The following STK10 variants were observed in gnomAD, a reference collection of about 807,000 sequenced individuals.
STK10 encodes serine/threonine kinase 10.
In STK10, 78 loss-of-function variants were observed where a neutral mutation model predicts 113.8. The observed-to-expected ratio is 0.69, with a 90% CI of 0.57 to 0.83. STK10 has a LOEUF of 0.83. Among genes scored for constraint, STK10 ranks in the 40% least tolerant of loss-of-function variants. STK10 has a pLI of 0.00. For synonymous variants in STK10, 465 were observed against 494.7 expected, an observed-to-expected ratio of 0.94 and a Z score of 0.80; for missense variants, 1,109 against 1,280.1, an observed-to-expected ratio of 0.87 and a Z score of 2.04.
At chr5:172,048,709 TGAC>T (rs1276254596) in intron 18 of STK10, among the ~76,000 whole-genome samples, 1 of 152,218 alleles carries the variant, frequency 6.6e-6, no homozygotes, top group Non-Finnish European at 1.5e-5. Flanking sequence ...CCTCCACTCT[TGAC>T]CCCTGAGGGC....
intron 9 of STK10, among the ~76,000 whole-genome samples, chr5:172,091,450 C>T (rs997008396): frequency 3.3e-4 from 50 of 152,044 alleles, no homozygotes; most frequent in Middle Eastern, 3.4e-3. Flanking sequence ...TCTGGAAGTT[C>T]TCAGCTCTGA....
chr5:172,048,414 TACACACACACACACACACAC>T (rs370301917), intron 18 of STK10, among the ~76,000 whole-genome samples: 2 of 128,394 alleles, frequency 1.6e-5, no homozygotes, highest in Non-Finnish European at 3.2e-5. Flanking sequence ...TCCCTCTCCC[TACACACACACACACACACAC>T]ACACACACAC....
Position 172,154,764 on chromosome 5 carries a change from G to C in STK10, c.321+1860C>G, listed in dbSNP as rs975104006. Among the ~76,000 whole-genome samples, 5 of 152,342 alleles carry C rather than the reference G, an allele frequency of 3.3e-5. 1 individual carries two copies. Among genetic ancestry groups the C allele is most frequent in the Non-Finnish European group, 7.3e-5 (5 of 68,036 alleles). ...GTGTTTGGCTCTACCTGGTTTTCCA[G>C]CTCTGCCACTTGCTAGCTGTGTGGC... On this transcript the variant is annotated intron_variant, in intron 2 of 18. Transcript: ENST00000176763.
chr5:172,166,147 C>T (rs551348126), intron 1 of STK10, among the ~76,000 whole-genome samples: 39 of 152,260 alleles, frequency 2.6e-4, no homozygotes, highest in Admixed American at 1.2e-3. Context: ...CTTTCTCTGG[C>T]GCTGCTAAAT....
chr5:172,057,116 C>T (rs957114847), intron 15 of STK10: 4 of 522,384 alleles, frequency 7.7e-6, no homozygotes, highest in Non-Finnish European at 6.8e-6. Flanking sequence ...AGTGAGGGAG[C>T]CACTTGGGCC....
chr5:172,158,586 G>A (rs141780998), intron 1 of STK10, among the ~76,000 whole-genome samples: 7,044 of 152,006 alleles, frequency 0.046, 553 homozygotes, highest in African/African-American at 0.16. Flanking sequence ...AAGATCATGC[G>A]ACTGCACTCC....
At chr5:172,068,277 T>C (rs893344204) in intron 12 of STK10, among the ~76,000 whole-genome samples, 3 of 151,366 alleles carry the variant, frequency 2.0e-5, no homozygotes, top group East Asian at 3.9e-4. Context: ...GAGGCACAGG[T>C]TGCAGTGAGC....
intron 14 of STK10, among the ~76,000 whole-genome samples, chr5:172,059,667 CT>C (rs1165578179): frequency 6.6e-6 from 1 of 152,056 alleles, no homozygotes; most frequent in African/African-American, 2.4e-5. Context: ...TGTGAGCCCC[CT>C]CTCAGTCCCC....
In STK10 at chr5:172,133,960, T is replaced by C. The variant is rs1308112077; in HGVS notation, c.322-6539A>G. Among the ~76,000 whole-genome samples, 1 of 152,112 alleles carries C rather than the reference T, an allele frequency of 6.6e-6. No individual in the cohort carries two copies. The highest frequency in any genetic ancestry group is 1.5e-5 in the Non-Finnish European group (1 of 68,026). The stretch of plus-strand genomic sequence containing the variant: ...TCAGCAGAGTGCTTGTTAAAACAGA[T>C]CACTGGGTCCCACTCCAGAGCTTCT... On this transcript the variant is annotated intron_variant, in intron 2 of 18. Coordinates refer to ENST00000176763, the MANE Select transcript of STK10 (RefSeq NM_005990.4). This position sits in a 1 kb window ranked among gnomAD's most constrained non-coding sequence, Gnocchi z 4.9.
chr5:172,072,352 C>A lies in STK10; in HGVS notation c.1990-7540G>T, dbSNP rs185636442. On this transcript the variant is annotated intron_variant, in intron 12 of 18. Transcript: ENST00000176763. ...CGCAATCTCGGCTCACTGCAAGATC[C>A]GCCTACCGGGTTCATGCCATTCTCC... Among the ~76,000 whole-genome samples, 15 of 152,138 alleles carry A rather than the reference C, an allele frequency of 9.9e-5. No homozygotes were observed. The East Asian group carries it at 2.9e-3, about 29-fold the overall frequency.
chr5:172,076,852 CTG>C (rs1768320348), intron 12 of STK10, among the ~76,000 whole-genome samples: 1 of 152,116 alleles, frequency 6.6e-6, no homozygotes, highest in Non-Finnish European at 1.5e-5. Context: ...GAGCTTAAAA[CTG>C]TGCTGTTGCA....
At chr5:172,107,755 C>T (rs1340728573) in intron 5 of STK10, 25 bp downstream of exon 5, 2 of 1,612,276 alleles carry the variant, frequency 1.2e-6, no homozygotes, top group African/African-American at 1.3e-5. Flanking sequence ...CAGTCCATTC[C>T]ATTTCCAGAA....
chr5:172,178,298 G>A (rs545349688), intron 1 of STK10, among the ~76,000 whole-genome samples: 18 of 152,222 alleles, frequency 1.2e-4, no homozygotes, highest in Admixed American at 9.2e-4. Context: ...CAGGCTCAAC[G>A]GCCAGCAGTC....
chr5:172,101,424 T>C (rs963146350), intron 7 of STK10, among the ~76,000 whole-genome samples: 1 of 145,718 alleles, frequency 6.9e-6, no homozygotes, highest in Admixed American at 7.0e-5. Flanking sequence ...TAAGCCAAGA[T>C]AGCTCCACTG....
chr5:172,179,612 C>T (rs1440332923), intron 1 of STK10, among the ~76,000 whole-genome samples: 3 of 116,982 alleles, frequency 2.6e-5, no homozygotes, highest in African/African-American at 1.4e-4. Flanking sequence ...CAGGGCCCCA[C>T]GCAGAAGCCG....
Position 172,053,060 on chromosome 5 carries a change from C to G in STK10, c.2653-18G>C. ...TTTTCATTCTGGAACAGATTCCAGG[C>G]AGAACAGGTGAGAAATCAGAAGACG... On this transcript the variant is annotated intron_variant, in intron 17 of 18. Coordinates refer to ENST00000176763, the MANE Select transcript of STK10 (RefSeq NM_005990.4). The G allele has an allele frequency of 6.2e-7, 1 of 1,608,774 alleles. No individual in the cohort carries two copies. Among genetic ancestry groups the G allele is most frequent in the South Asian group, 1.1e-5 (1 of 90,678 alleles).
At chr5:172,115,064 T>C (rs1769346009) in intron 4 of STK10, 1 of 152,200 alleles carries the variant, frequency 6.6e-6, no homozygotes, top group Admixed American at 6.5e-5. Context: ...TTTTTTTTTC[T>C]GGCCAGTCCG....
At chr5:172,150,386 C>A (rs1770196323) in intron 2 of STK10, among the ~76,000 whole-genome samples, 1 of 150,960 alleles carries the variant, frequency 6.6e-6, no homozygotes. Flanking sequence ...GAAGCTGAGG[C>A]AGGAGAATCG....
rs2113793763 is a variant in STK10 at position 172,133,370 on chromosome 5, T to C, written c.322-5949A>G. On this transcript the variant is annotated intron_variant, in intron 2 of 18. Transcript: ENST00000176763. The surrounding 1 kb of genome is among the most constrained non-coding windows in gnomAD (Gnocchi z 4.9). ...ATGAGTCCTGATGTCCTGGGCACCA[T>C]GGCTACCTCCCCCTCCACATACACC... Among the ~76,000 whole-genome samples the C allele has an allele frequency of 6.6e-6, 1 of 152,316 alleles. No homozygotes were observed. Among genetic ancestry groups the C allele is most frequent in the South Asian group, 2.1e-4 (1 of 4,824 alleles).
Sources: allele counts gnomAD v4.1 joint callset (sites outside exome capture counted in the v4.1 genomes callset), GRCh38; gene constraint gnomAD v4.1.1; non-coding constraint Gnocchi (gnomAD v3.1); transcripts MANE v1.5; gene names NCBI Gene and HGNC (gene_info 2026-07-23, HGNC 2026-07-21).